TMOD3: variants seen among roughly 807,000 people sequenced by gnomAD.
TMOD3 encodes the protein tropomodulin 3.
Under a neutral mutation model 39.2 loss-of-function variants are expected in TMOD3, and 20 were observed. That is an observed-to-expected ratio of 0.51 (90% CI 0.36 to 0.74). The LOEUF (loss-of-function observed/expected upper bound fraction) is 0.74, where lower values mean the gene tolerates loss of function less well. Ranked by LOEUF, TMOD3 falls within the 30% of genes least tolerant of loss-of-function variation. The probability of loss-of-function intolerance (pLI) is 0.00; values close to 1 mark genes in which losing one functional copy is unlikely to be tolerated. For synonymous variants in TMOD3, 143 were observed against 145.8 expected (o/e 0.98, Z 0.14); for missense variants, 381 against 412.8 (o/e 0.92, Z 0.67).
chr15:51,858,018 A>G (rs924780386), intron 1 of TMOD3: 1 of 152,098 alleles, frequency 6.6e-6, no homozygotes, highest in African/African-American at 2.4e-5. Flanking sequence ...TTTAATGGAG[A>G]AAATATACTG....
chr15:51,855,119 A>G (rs866091576), intron 1 of TMOD3, among the ~76,000 whole-genome samples: 3 of 152,352 alleles, frequency 2.0e-5, no homozygotes, highest in South Asian at 4.1e-4. Flanking sequence ...GACTTTGGGG[A>G]ATATTTAAAC....
intron 1 of TMOD3, among the ~76,000 whole-genome samples, chr15:51,853,461 A>C (rs2056372223): frequency 6.6e-6 from 1 of 152,176 alleles, no homozygotes. Flanking sequence ...TTGGCTTCCC[A>C]AAGTGCTGGG....
chr15:51,897,838 C>T (rs1171182344), intron 7 of TMOD3, among the ~76,000 whole-genome samples: 2 of 150,904 alleles, frequency 1.3e-5, no homozygotes, highest in African/African-American at 4.9e-5. Flanking sequence ...CCCTTTCTTG[C>T]AACTTAAACC....
chr15:51,896,095 C>G (rs1467532784), intron 6 of TMOD3, among the ~76,000 whole-genome samples: 1 of 151,954 alleles, frequency 6.6e-6, no homozygotes, highest in Non-Finnish European at 1.5e-5. Context: ...GCAACAAGAG[C>G]AAAACTCTGT....
chr15:51,868,519 G>T (rs922555570), intron 2 of TMOD3, among the ~76,000 whole-genome samples: 1 of 151,992 alleles, frequency 6.6e-6, no homozygotes, highest in Non-Finnish European at 1.5e-5. Flanking sequence ...CTCTATATGT[G>T]TGCTCTATAT....
intron 2 of TMOD3, among the ~76,000 whole-genome samples, chr15:51,863,797 A>G (rs2056431099): frequency 6.6e-6 from 1 of 152,190 alleles, no homozygotes; most frequent in East Asian, 1.9e-4. Context: ...TTGTTACTGG[A>G]TGATGTATCT....
intron 1 of TMOD3, chr15:51,858,191 T>C (rs2056397776): frequency 6.6e-6 from 1 of 152,248 alleles, no homozygotes; most frequent in South Asian, 2.1e-4. Flanking sequence ...TAGCTAGGAC[T>C]ACAGGTGTGT....
chr15:51,859,534 C>A, intron 1 of TMOD3: 2 of 628,646 alleles, frequency 3.2e-6, no homozygotes, highest in Non-Finnish European at 6.1e-6. Context: ...TAAGCCCAAT[C>A]CAGGTACTTA....
At chr15:51,904,991 A>G (rs923936569) in intron 9 of TMOD3, among the ~76,000 whole-genome samples, 1 of 152,156 alleles carries the variant, frequency 6.6e-6, no homozygotes, top group Admixed American at 6.5e-5. Flanking sequence ...TCCAAACTAG[A>G]TTTTCAAACG....
chr15:51,912,706 A>G lies in TMOD3; in HGVS notation c.*3896A>G, dbSNP rs1463612528. 1 of 152,108 alleles carries G rather than the reference A, an allele frequency of 6.6e-6. No individual in the cohort carries two copies. The highest frequency in any genetic ancestry group is 1.5e-5 in the Non-Finnish European group (1 of 68,026). The allele number at this position is 152,108 out of a possible 1,614,324, so 9.4% of individuals were successfully genotyped here. ...AGTACTGCCCAAATTTACTCATTCT[A>G]CAGTGTTACTGCACTTTGAACGTAT... On this transcript the variant is annotated 3_prime_UTR_variant, in exon 10 of 10. Transcript: ENST00000308580.
chr15:51,836,639 C>T (rs956085908), intron 1 of TMOD3, among the ~76,000 whole-genome samples: 9 of 151,090 alleles, frequency 6.0e-5, no homozygotes, highest in African/African-American at 2.2e-4. Context: ...GCAGGAGAAT[C>T]GCTTGAACCT....
intron 3 of TMOD3, among the ~76,000 whole-genome samples, chr15:51,886,542 C>T (rs376902727): frequency 6.6e-6 from 1 of 152,184 alleles, no homozygotes; most frequent in African/African-American, 2.4e-5. Context: ...GGTGCGCGCC[C>T]GCATTCCCAG....
chr15:51,859,307 G>A, intron 1 of TMOD3: 2 of 728,508 alleles, frequency 2.7e-6, no homozygotes, highest in South Asian at 2.7e-5. Context: ...CAAGGGGGTG[G>A]TTCAATGGTT....
In TMOD3 at chr15:51,900,428, G is replaced by C. The variant is rs2056644424; in HGVS notation, c.879+130G>C. The C allele has an allele frequency of 3.0e-6, 3 of 992,346 alleles. No homozygotes were observed. In the African/African-American group the frequency reaches 4.9e-5, roughly 16 times the overall value. The allele number at this position is 992,346 out of a possible 1,614,324, so 61.5% of individuals were successfully genotyped here. ...GTTGGAAGATGCTGGGCTGAAAGGA[G>C]AGCTGACATTTGGGGTATCTAGAAT... On this transcript the variant is annotated intron_variant, in intron 8 of 9. Transcript: ENST00000308580.
chr15:51,862,403 T>C (rs930168667), intron 1 of TMOD3, among the ~76,000 whole-genome samples: 10 of 152,224 alleles, frequency 6.6e-5, no homozygotes, highest in Non-Finnish European at 1.0e-4. Flanking sequence ...CTGAGTCATA[T>C]TGTTCTCCTA....
At chr15:51,887,232 A>C (rs1287234824) in intron 3 of TMOD3, among the ~76,000 whole-genome samples, 1 of 145,138 alleles carries the variant, frequency 6.9e-6, no homozygotes, top group Non-Finnish European at 1.5e-5. Context: ...AAAAAAAAAA[A>C]AGGAAATTGG....
At chr15:51,878,513 G>A (rs1487030480) in intron 3 of TMOD3, among the ~76,000 whole-genome samples, 1 of 152,106 alleles carries the variant, frequency 6.6e-6, no homozygotes, top group African/African-American at 2.4e-5. Flanking sequence ...ATAGGATTCA[G>A]TTGCTGTTCT....
At chr15:51,857,073 G>C (rs1024432667) in intron 1 of TMOD3, among the ~76,000 whole-genome samples, 1 of 152,142 alleles carries the variant, frequency 6.6e-6, no homozygotes, top group African/African-American at 2.4e-5. Flanking sequence ...AAGTAGTATA[G>C]CTCTAAGCAT....
chr15:51,836,508 C>T (rs1327255154), intron 1 of TMOD3, among the ~76,000 whole-genome samples: 2 of 151,984 alleles, frequency 1.3e-5, no homozygotes, highest in Admixed American at 6.5e-5. Flanking sequence ...GGGTGGATCA[C>T]GAGGTCAGGA....
Sources: gnomAD v4.1 joint callset for allele counts (sites outside exome capture counted in the v4.1 genomes callset) on GRCh38, gnomAD v4.1.1 for gene constraint, MANE v1.5 for transcripts, NCBI Gene and HGNC (gene_info 2026-07-23, HGNC 2026-07-21) for gene names.